TCOF1: variants seen among roughly 807,000 people sequenced by gnomAD.
The protein encoded by TCOF1 is treacle ribosome biogenesis factor 1.
TCOF1 carries 33 observed loss-of-function variants against 149.0 expected under a neutral mutation model. The observed-to-expected ratio is 0.22, with a 90% CI of 0.17 to 0.30. The LOEUF (loss-of-function observed/expected upper bound fraction) is 0.30, where lower values mean the gene tolerates loss of function less well. Among genes scored for constraint, TCOF1 ranks in the 10% least tolerant of loss-of-function variants. The pLI is 1.00. For missense variants in TCOF1, 1,728 were observed against 1,840.7 expected (o/e 0.94, Z 1.12); for synonymous variants, 789 against 738.8 (o/e 1.07, Z -1.10).
intron 17 of TCOF1, chr5:150,380,055 A>T: frequency 4.2e-6 from 1 of 235,388 alleles, no homozygotes; most frequent in Non-Finnish European, 8.5e-6. Context: ...CTGGGTGATG[A>T]GAGTGAGACT....
In TCOF1 at chr5:150,396,852, C is replaced by T. The variant is rs376073937; in HGVS notation, c.4345+10C>T. 4.8e-5 allele frequency: 76 copies of T among 1,584,228 alleles called. No individual in the cohort carries two copies. In the African/African-American group the frequency reaches 6.0e-4, roughly 13 times the overall value. On this transcript the variant is annotated intron_variant, in intron 24 of 26. Transcript: ENST00000643257. ...AAGAAATCCGACAAGAGTGAGTGAC[C>T]GCTTCTCCCAGCCCACCCCAAGGGC...
intron 14 of TCOF1, 87 bp downstream of exon 14, chr5:150,376,707 C>A: frequency 7.1e-7 from 1 of 1,398,884 alleles, no homozygotes; most frequent in Non-Finnish European, 9.9e-7. Context: ...GCTAGTGTTG[C>A]CTGCAGGTGT....
At position 150,392,718 on chromosome 5, in the gene TCOF1, C is replaced by T. The variant is rs149395927; in HGVS notation, c.3531C>T (p.Pro1177=). The stretch of plus-strand genomic sequence containing the variant: ...GTGCTTCTCCAGTAGGTCCCACCCC[C>T]TCCAGGACAGAGACCCTGGTGGAGG... ...KSAHTLVGPT[P]SRTETLVEET... is the part of the protein sequence containing the mutation. Residue 1177 remains proline, a synonymous_variant, in exon 22 of 27, where the codon CCC becomes CCT. Transcript: ENST00000643257. 2.3e-4 allele frequency: 378 copies of T among 1,613,944 alleles called. 1 individual carries two copies. The highest frequency in any genetic ancestry group is 9.9e-4 in the Middle Eastern group (6 of 6,080).
At chr5:150,391,506 G>T in intron 19 of TCOF1, 38 bp from the exon 20 acceptor site, 2 of 1,561,024 alleles carry the variant, frequency 1.3e-6, no homozygotes, top group Non-Finnish European at 1.8e-6. Context: ...GCATCCCAAG[G>T]ACTTGTGAGT....
intron 1 of TCOF1, among the ~76,000 whole-genome samples, chr5:150,359,134 G>T (rs1164360194): frequency 6.6e-6 from 1 of 152,138 alleles, no homozygotes; most frequent in Non-Finnish European, 1.5e-5. Context: ...ATCACTTGAG[G>T]CCAGGAGTTC....
rs146405751 is a variant in TCOF1 at position 150,398,401 on chromosome 5, G to C, written c.4393G>C (p.Ala1465Pro). ...KKEKKKKAKK[A>P]STKDSESPSQ... The stretch of plus-strand genomic sequence containing the variant: ...AGAAAAGAAGAAGAAAGCAAAAAAG[G>C]CCTCAACCAAAGATTCTGAGTCACC... Residue 1465 changes from alanine to proline, a missense_variant, in exon 25 of 27, where the codon GCC becomes CCC. Ala to Pro is a conservative substitution (Grantham distance 27, BLOSUM62 -1). Transcript: ENST00000643257. 9 of 1,613,956 alleles carry C rather than the reference G, an allele frequency of 5.6e-6. No individual in the cohort carries two copies. Among genetic ancestry groups the C allele is most frequent in the East Asian group, 4.5e-5 (2 of 44,896 alleles).
At chr5:150,393,104 A>C (rs993037721) in intron 22 of TCOF1, 1 of 591,074 alleles carries the variant, frequency 1.7e-6, no homozygotes, top group Admixed American at 3.0e-5. Flanking sequence ...TGTATGTGGC[A>C]AAAGCTAGTA....
chr5:150,380,003 C>T (rs1764724957), intron 17 of TCOF1: 7 of 406,426 alleles, frequency 1.7e-5, no homozygotes, highest in East Asian at 1.1e-4. Flanking sequence ...ACCTGGGAGG[C>T]GGAGGCTGCA....
chr5:150,364,310 G>T (rs945847619), intron 3 of TCOF1, 58 bp downstream of exon 3: 1 of 1,609,646 alleles, frequency 6.2e-7, no homozygotes, highest in Non-Finnish European at 8.5e-7. Context: ...CTAGGGTAGA[G>T]TCTACCTCCA....
rs767078660 is a variant in TCOF1 at position 150,391,654 on chromosome 5, T to G, written c.3294T>G (p.Ser1098Arg). ...CTGTTGCCAGGACCCAGCCTTCAAG[T>G]GGGGTGAGCTTGGGGAGCCAGGGGA... ...QPPVARTQPS[S>R]GVDSAVGTLP... Residue 1098 changes from serine to arginine, a missense_variant, in exon 20 of 27, where the codon AGT (serine) becomes AGG (arginine). Ser to Arg is a moderately radical substitution (Grantham distance 110). Transcript: ENST00000643257. The G allele has an allele frequency of 1.9e-6, 3 of 1,613,284 alleles. No homozygotes were observed. Among genetic ancestry groups the G allele is most frequent in the Middle Eastern group, 1.6e-4 (1 of 6,068 alleles).
In TCOF1 at chr5:150,389,575, G is replaced by A. The variant is rs117921506; in HGVS notation, c.3047-312G>A. On this transcript the variant is annotated intron_variant, in intron 18 of 26. Coordinates refer to ENST00000643257, the MANE Select transcript of TCOF1 (RefSeq NM_001371623.1). Reference sequence around the variant, plus strand: ...TAGGAGAGACGATTTTAACTGCAAGGAGAGTCGTTTGGTGCCGGTGCTCTG... The same window carrying A: ...TAGGAGAGACGATTTTAACTGCAAGAAGAGTCGTTTGGTGCCGGTGCTCTG... 4.9e-4 allele frequency among the ~76,000 whole-genome samples: 75 copies of A among 152,376 alleles called. No individual in the cohort carries two copies. The East Asian group carries it at 0.011, about 22-fold the overall frequency.
rs755489318 is a variant in TCOF1, at chr5:150,375,493, G to C, written c.1643G>C (p.Ser548Thr). 6.2e-7 allele frequency: 1 copy of C among 1,614,242 alleles called. No individual in the cohort carries two copies. Among genetic ancestry groups the C allele is most frequent in the Non-Finnish European group, 8.5e-7 (1 of 1,180,034 alleles). Residue 548 changes from serine (S) to threonine (T), a missense_variant, in exon 11 of 27, where the codon AGT becomes ACT. By Grantham distance (58) the Ser-to-Thr change is moderately conservative. Around this residue, in one of 2 missense-constraint regions of TCOF1, gnomAD observed 1,696 missense variants for 1,765.4 expected, o/e 0.96. Coordinates refer to ENST00000643257, the MANE Select transcript of TCOF1 (RefSeq NM_001371623.1). Reference sequence around the variant, plus strand: ...AAGTGGGAGGAGGACTCAGAGAGCAGTAGTGAGGAGTCATCAGACAGCAGT... The same window carrying C: ...AAGTGGGAGGAGGACTCAGAGAGCACTAGTGAGGAGTCATCAGACAGCAGT... ...VGKWEEDSESSSEESSDSSDG... is the reference protein window; with the variant it reads ...VGKWEEDSESTSEESSDSSDG...
chr5:150,357,776 A>G lies in TCOF1; in HGVS notation c.30A>G (p.Leu10=), dbSNP rs1215227093. ...CCGAGGCCAGGAAGCGGCGGGAGCT[A>G]CTTCCCCTGATCTACCACCATCTGC... MAEARKRRE[L]LPLIYHHLLR... The change falls in exon 1 of 27, where the codon CTA becomes CTG. Residue 10 remains leucine (L), a synonymous_variant. Transcript: ENST00000643257. 3 of 1,549,482 alleles carry G rather than the reference A, an allele frequency of 1.9e-6. No homozygotes were observed. The highest frequency in any genetic ancestry group is 4.9e-5 in the East Asian group (2 of 40,886).
At chr5:150,361,502 TCTTA>T (rs1370478450) in intron 2 of TCOF1, among the ~76,000 whole-genome samples, 2 of 152,250 alleles carry the variant, frequency 1.3e-5, no homozygotes, top group East Asian at 1.9e-4. Flanking sequence ...CAAGTCCTGT[TCTTA>T]CTTAGTATGC....
Position 150,396,275 on chromosome 5 carries a change from T to C in TCOF1, c.3785-7T>C, listed in dbSNP as rs1401831011. The C allele has an allele frequency of 3.7e-6, 6 of 1,613,826 alleles. No individual in the cohort carries two copies. The highest frequency in any genetic ancestry group is 2.7e-5 in the African/African-American group (2 of 74,876). ...CAGATCTGTGACCCCACATTCTCTC[T>C]CCATAGGTGGAAAAGAGGCTGCTTC... On this transcript the variant is annotated splice_region_variant and splice_polypyrimidine_tract_variant and intron_variant, in intron 23 of 26. Coordinates refer to ENST00000643257, the MANE Select transcript of TCOF1 (RefSeq NM_001371623.1).
At chr5:150,360,434 G>C (rs1047661850) in intron 1 of TCOF1, among the ~76,000 whole-genome samples, 3 of 152,210 alleles carry the variant, frequency 2.0e-5, no homozygotes, top group African/African-American at 7.2e-5. Flanking sequence ...ATGCCACCTG[G>C]ATGCCTCAGG....
Position 150,392,697 on chromosome 5 carries a change from T to C in TCOF1, c.3518-8T>C. On this transcript the variant is annotated splice_region_variant and splice_polypyrimidine_tract_variant and intron_variant, in intron 21 of 26. Transcript: ENST00000643257. Reference sequence around the variant, plus strand: ...TGGGGCTACCAACAGGATACTGTGCTTCTCCAGTAGGTCCCACCCCCTCCA... The same window carrying C: ...TGGGGCTACCAACAGGATACTGTGCCTCTCCAGTAGGTCCCACCCCCTCCA... 1 of 1,613,814 alleles carries C rather than the reference T, an allele frequency of 6.2e-7. No individual in the cohort carries two copies. Among genetic ancestry groups the C allele is most frequent in the East Asian group, 2.2e-5 (1 of 44,872 alleles).
At chr5:150,365,378 G>A (rs1581048326) in intron 3 of TCOF1, among the ~76,000 whole-genome samples, 1 of 151,192 alleles carries the variant, frequency 6.6e-6, no homozygotes, top group African/African-American at 2.4e-5. Context: ...CTGCGCCCTG[G>A]ATATATATTA....
intron 7 of TCOF1, among the ~76,000 whole-genome samples, chr5:150,373,212 TTGTGTGTGTG>T (rs113101162): frequency 1.3e-5 from 2 of 148,674 alleles, no homozygotes; most frequent in African/African-American, 2.5e-5. Flanking sequence ...CACACCCAGC[TTGTGTGTGTG>T]TGTGTGTGTG....
Sources: gnomAD v4.1 joint callset for allele counts (sites outside exome capture counted in the v4.1 genomes callset) on GRCh38, gnomAD v4.1.1 for gene constraint, gnomAD v4.1.1 regional missense constraint, MANE v1.5 for transcripts, NCBI Gene and HGNC (gene_info 2026-07-23, HGNC 2026-07-21) for gene names.